The following EFNA5 variants were observed in gnomAD, a reference collection of about 807,000 sequenced individuals.
EFNA5 encodes ephrin A5.
EFNA5 carries 5 observed loss-of-function variants against 22.9 expected under a neutral mutation model. That is an observed-to-expected ratio of 0.22 (90% CI 0.11 to 0.46). The LOEUF is 0.46. Among genes scored for constraint, EFNA5 ranks in the 20% least tolerant of loss-of-function variants. The pLI, the probability that EFNA5 is intolerant of heterozygous loss-of-function variation, is 0.99. For missense variants in EFNA5, 237 were observed against 293.3 expected, an observed-to-expected ratio of 0.81 and a Z score of 1.40; for synonymous variants, 113 against 112.2, an observed-to-expected ratio of 1.01 and a Z score of -0.04.
intron 1 of EFNA5, among the ~76,000 whole-genome samples, chr5:107,433,212 T>C (rs1346351425): frequency 6.6e-6 from 1 of 152,242 alleles, no homozygotes; most frequent in Non-Finnish European, 1.5e-5. Flanking sequence ...TCATATTATA[T>C]GTACTCTATT....
At chr5:107,454,604 T>TA (rs1194818187) in intron 1 of EFNA5, among the ~76,000 whole-genome samples, 23 of 152,156 alleles carry the variant, frequency 1.5e-4, no homozygotes, top group Admixed American at 2.6e-4. Flanking sequence ...TTCCTGAAGT[T>TA]ATTAAGCTCT....
At chr5:107,598,713 T>G (rs1432411318) in intron 1 of EFNA5, among the ~76,000 whole-genome samples, 1 of 152,176 alleles carries the variant, frequency 6.6e-6, no homozygotes, top group Non-Finnish European at 1.5e-5. Context: ...ATGACACTAA[T>G]TTTTTGCTCA....
intron 1 of EFNA5, among the ~76,000 whole-genome samples, chr5:107,648,221 T>C (rs766031670): frequency 6.6e-6 from 1 of 152,134 alleles, no homozygotes; most frequent in African/African-American, 2.4e-5. Flanking sequence ...TATTATAAAG[T>C]TTACTATGAC....
chr5:107,420,123 C>G (rs1748614932), intron 2 of EFNA5, among the ~76,000 whole-genome samples: 1 of 152,052 alleles, frequency 6.6e-6, no homozygotes, highest in Non-Finnish European at 1.5e-5. Context: ...AATCAGACAT[C>G]AAGAGGAATG....
At chr5:107,471,338 G>A (rs1053870101) in intron 1 of EFNA5, among the ~76,000 whole-genome samples, 2 of 151,942 alleles carry the variant, frequency 1.3e-5, no homozygotes, top group African/African-American at 4.8e-5. Flanking sequence ...GCTTTCTTCA[G>A]TGGTTAAGTT....
At chr5:107,507,436 T>G (rs1747274992) in intron 1 of EFNA5, among the ~76,000 whole-genome samples, 1 of 152,210 alleles carries the variant, frequency 6.6e-6, no homozygotes, top group African/African-American at 2.4e-5. Context: ...CTTTAAAAGA[T>G]TAAAACAATA....
intron 1 of EFNA5, among the ~76,000 whole-genome samples, chr5:107,505,379 C>A (rs984312920): frequency 6.6e-6 from 1 of 152,128 alleles, no homozygotes; most frequent in Non-Finnish European, 1.5e-5. Context: ...CTACAAGGTG[C>A]ACTGTGTACT....
intron 2 of EFNA5, among the ~76,000 whole-genome samples, chr5:107,406,442 C>T (rs1321421737): frequency 6.6e-6 from 1 of 152,024 alleles, no homozygotes; most frequent in East Asian, 1.9e-4. Flanking sequence ...GTTCTCTCCA[C>T]CTGGAAAACT....
At chr5:107,656,109 C>T (rs554645200) in intron 1 of EFNA5, among the ~76,000 whole-genome samples, 3 of 152,226 alleles carry the variant, frequency 2.0e-5, no homozygotes, top group East Asian at 3.9e-4. Context: ...AAGAGGATGT[C>T]GGTATTCATT....
chr5:107,568,817 T>C (rs1406803795), intron 1 of EFNA5, among the ~76,000 whole-genome samples: 1 of 152,204 alleles, frequency 6.6e-6, no homozygotes, highest in Non-Finnish European at 1.5e-5. Context: ...ATATAAAATA[T>C]ACAAAACCTC....
intron 1 of EFNA5, among the ~76,000 whole-genome samples, chr5:107,521,265 G>A (rs1747590503): frequency 6.6e-6 from 1 of 151,454 alleles, no homozygotes; most frequent in Admixed American, 6.6e-5. Flanking sequence ...TTTAGAGTAT[G>A]TATGTATGTA....
intron 2 of EFNA5, among the ~76,000 whole-genome samples, chr5:107,399,536 A>C (rs1163109977): frequency 6.6e-6 from 1 of 152,192 alleles, no homozygotes. Context: ...AGAGAATAAA[A>C]GCAAAGTGAG....
chr5:107,632,131 T>C (rs534780885), intron 1 of EFNA5, among the ~76,000 whole-genome samples: 1 of 152,326 alleles, frequency 6.6e-6, no homozygotes, highest in African/African-American at 2.4e-5. Context: ...CTCTCTTTTC[T>C]CTTTACTTAC....
chr5:107,669,698 G>C (rs928365085), intron 1 of EFNA5, among the ~76,000 whole-genome samples: 1 of 152,112 alleles, frequency 6.6e-6, no homozygotes, highest in Non-Finnish European at 1.5e-5. Flanking sequence ...GCGTTCCTCC[G>C]GCAGCACATC....
At chr5:107,496,079 A>G (rs1396617343) in intron 1 of EFNA5, among the ~76,000 whole-genome samples, 1 of 150,054 alleles carries the variant, frequency 6.7e-6, no homozygotes, top group Non-Finnish European at 1.5e-5. Context: ...TAATCCCAGC[A>G]CTTTGGGAGG....
chr5:107,500,972 T>A (rs1388694169), intron 1 of EFNA5, among the ~76,000 whole-genome samples: 1 of 152,104 alleles, frequency 6.6e-6, no homozygotes, highest in Non-Finnish European at 1.5e-5. Context: ...AGTGGGAGAA[T>A]TCACAGTGGA....
chr5:107,618,056 A>G (rs1051891144), intron 1 of EFNA5, among the ~76,000 whole-genome samples: 5 of 152,112 alleles, frequency 3.3e-5, no homozygotes, highest in African/African-American at 1.2e-4. Context: ...CACACAACCT[A>G]CAATCTTTCA....
intron 1 of EFNA5, among the ~76,000 whole-genome samples, chr5:107,576,732 T>C (rs903212626): frequency 1.3e-5 from 2 of 152,218 alleles, no homozygotes; most frequent in African/African-American, 2.4e-5. Flanking sequence ...AATTATTTAC[T>C]ACATGAGAAT....
chr5:107,551,829 A>G (rs1748304663), intron 1 of EFNA5, among the ~76,000 whole-genome samples: 2 of 152,140 alleles, frequency 1.3e-5, no homozygotes. Flanking sequence ...ATATAAAAAC[A>G]TGTTCTGAAA....
Sources: gnomAD v4.1 joint callset for allele counts (sites outside exome capture counted in the v4.1 genomes callset) on GRCh38, gnomAD v4.1.1 for gene constraint, MANE v1.5 for transcripts, NCBI Gene and HGNC (gene_info 2026-07-23, HGNC 2026-07-21) for gene names.